Variants in PPP2R5A observed in about 807,000 individuals in gnomAD.
The protein encoded by PPP2R5A is protein phosphatase 2 regulatory subunit B'alpha.
In PPP2R5A, 25 loss-of-function variants were observed where a neutral mutation model predicts 64.2. The observed-to-expected ratio is 0.39, with a 90% confidence interval of 0.28 to 0.54. The LOEUF (loss-of-function observed/expected upper bound fraction) is 0.54, where lower values mean the gene tolerates loss of function less well. PPP2R5A is among the 20% of genes least tolerant of loss of function. The probability of loss-of-function intolerance (pLI) is 0.67; values close to 1 mark genes in which losing one functional copy is unlikely to be tolerated. For synonymous variants in PPP2R5A, 198 were observed against 201.2 expected (o/e 0.98, Z 0.13); for missense variants, 425 against 576.3 (o/e 0.74, Z 2.69).
At chr1:212,352,335 G>GAC (rs10654744) in intron 8 of PPP2R5A, among the ~76,000 whole-genome samples, 11,346 of 151,884 alleles carry the variant, frequency 0.075, 1,353 homozygotes, top group African/African-American at 0.26. Context: ...GGCCCACATT[G>GAC]ACATCTTTTT....
intron 8 of PPP2R5A, 82 bp from the exon 9 acceptor site, chr1:212,356,544 G>A: frequency 3.1e-6 from 4 of 1,277,220 alleles, no homozygotes; most frequent in Non-Finnish European, 4.4e-6. Context: ...AATGAGTGTT[G>A]ATATAATCAC....
chr1:212,300,888 ATAT>A (rs1207972296), intron 1 of PPP2R5A, among the ~76,000 whole-genome samples: 1 of 151,934 alleles, frequency 6.6e-6, no homozygotes, highest in African/African-American at 2.4e-5. Context: ...AATATATATA[ATAT>A]TTTATATAAT....
At chr1:212,346,058 G>C in intron 5 of PPP2R5A, 125 bp downstream of exon 5, 1 of 956,310 alleles carries the variant, frequency 1.0e-6, no homozygotes, top group Non-Finnish European at 1.5e-6. Context: ...CTGGAGTGCA[G>C]TGGTGAGAAC....
chr1:212,327,509 C>T (rs1425343345), intron 1 of PPP2R5A, among the ~76,000 whole-genome samples: 1 of 150,944 alleles, frequency 6.6e-6, no homozygotes, highest in African/African-American at 2.4e-5. Context: ...CCACCTCCTG[C>T]GTTCCAGTGA....
intron 3 of PPP2R5A, among the ~76,000 whole-genome samples, chr1:212,335,131 T>TA (rs958170650): frequency 2.0e-5 from 3 of 152,074 alleles, no homozygotes; most frequent in African/African-American, 7.2e-5. Context: ...GATTTTTTTT[T>TA]AATTTTGCAA....
chr1:212,339,149 C>T (rs1479634551), intron 3 of PPP2R5A, among the ~76,000 whole-genome samples: 1 of 151,950 alleles, frequency 6.6e-6, no homozygotes, highest in Admixed American at 6.6e-5. Context: ...TTTCTTCTAC[C>T]TCTATTTGGG....
intron 1 of PPP2R5A, among the ~76,000 whole-genome samples, chr1:212,327,075 T>C (rs1008607346): frequency 3.3e-5 from 5 of 152,230 alleles, no homozygotes; most frequent in African/African-American, 1.2e-4. Flanking sequence ...ACTAGCTTCC[T>C]GCCCTGGAGT....
rs1445028285 is a variant in PPP2R5A, at chr1:212,358,788, G to T, written c.1328+1G>T. 1 of 1,606,482 alleles carries T rather than the reference G, an allele frequency of 6.2e-7. No individual in the cohort carries two copies. The highest frequency in any genetic ancestry group is 1.1e-5 in the South Asian group (1 of 90,458). ...GCTCATACAAAGCTGAAAGACAGAG[G>T]TATTTGATATTTTGAATTACAAAAT... is the stretch of plus-strand genomic sequence containing the variant. On this transcript the variant is annotated splice_donor_variant, in intron 12 of 12. Coordinates refer to ENST00000261461, the MANE Select transcript of PPP2R5A (RefSeq NM_006243.4). LOFTEE classifies it high-confidence loss of function.
At position 212,319,809 on chromosome 1, in the gene PPP2R5A, G is replaced by A. The variant is rs573611314; in HGVS notation, c.182-9326G>A. ...CTAATTTTTTTGTATTTTTAGTAGA[G>A]GTGGGGTTTCACCATGTTGGCCAGG... On this transcript the variant is annotated intron_variant, in intron 1 of 12. Coordinates refer to ENST00000261461, the MANE Select transcript of PPP2R5A (RefSeq NM_006243.4). 4.6e-5 allele frequency among the ~76,000 whole-genome samples: 7 copies of A among 151,526 alleles called. No homozygotes were observed. The South Asian group carries it at 1.2e-3, about 27-fold the overall frequency.
intron 4 of PPP2R5A, 97 bp downstream of exon 4, chr1:212,342,377 G>A (rs1411475576): frequency 8.4e-6 from 12 of 1,423,960 alleles, no homozygotes; most frequent in Non-Finnish European, 1.0e-5. Context: ...AACTTTAATG[G>A]TTTAATTTGA....
intron 1 of PPP2R5A, among the ~76,000 whole-genome samples, chr1:212,287,678 T>C (rs1658528045): frequency 6.7e-6 from 1 of 150,250 alleles, no homozygotes. Flanking sequence ...AGCAAAATGG[T>C]AGACTATAAT....
chr1:212,310,583 G>A (rs1426098889), intron 1 of PPP2R5A, among the ~76,000 whole-genome samples: 3 of 152,190 alleles, frequency 2.0e-5, no homozygotes, highest in Admixed American at 6.5e-5. Flanking sequence ...CTGAAACCCT[G>A]CTTTAGAAGC....
intron 1 of PPP2R5A, among the ~76,000 whole-genome samples, chr1:212,288,441 A>G (rs571024518): frequency 7.9e-5 from 12 of 152,346 alleles, no homozygotes; most frequent in African/African-American, 2.9e-4. Context: ...AAGAAAGTAA[A>G]TTGGAACTTT....
intron 3 of PPP2R5A, among the ~76,000 whole-genome samples, chr1:212,335,610 G>A (rs1230928536): frequency 6.6e-6 from 1 of 152,064 alleles, no homozygotes; most frequent in Non-Finnish European, 1.5e-5. Flanking sequence ...AAATAAAATG[G>A]AGCGGTGTCC....
intron 1 of PPP2R5A, among the ~76,000 whole-genome samples, chr1:212,319,845 A>T (rs1202815507): frequency 6.6e-6 from 1 of 150,834 alleles, no homozygotes; most frequent in Non-Finnish European, 1.5e-5. Context: ...CTGGTCTCAA[A>T]TTCCTGACCT....
chr1:212,342,153 C>A, intron 3 of PPP2R5A, 35 bp from the exon 4 acceptor site: 1 of 1,605,510 alleles, frequency 6.2e-7, no homozygotes, highest in Non-Finnish European at 8.5e-7. Flanking sequence ...ATTCTGTAGC[C>A]ATCATCTTAG....
At chr1:212,286,936 C>G (rs1023518680) in intron 1 of PPP2R5A, among the ~76,000 whole-genome samples, 5 of 152,198 alleles carry the variant, frequency 3.3e-5, no homozygotes, top group Non-Finnish European at 4.4e-5. Flanking sequence ...TATCCTTTAG[C>G]TCAAGGAATA....
In PPP2R5A at chr1:212,345,924, T is replaced by C. The variant is rs780103900; in HGVS notation, c.695T>C (p.Ile232Thr). Residue 232 changes from isoleucine (I) to threonine (T), a missense_variant, in exon 5 of 13, where the codon ATT (isoleucine) becomes ACT (threonine). Physicochemically the swap from Ile to Thr is moderately conservative, Grantham distance 89. Coordinates refer to ENST00000261461, the MANE Select transcript of PPP2R5A (RefSeq NM_006243.4). ...TTCATCAGAAAACAAATTAACAACA[T>C]TTTCCTCAGGTAAATTAATCATTTA... The part of the protein sequence containing the change: ...RAFIRKQINN[I>T]FLRFIYETEH... The C allele has an allele frequency of 2.5e-6, 4 of 1,595,978 alleles. No homozygotes were observed. Among genetic ancestry groups the C allele is most frequent in the East Asian group, 2.2e-5 (1 of 44,690 alleles).
At chr1:212,356,220 C>T (rs1259613170) in intron 8 of PPP2R5A, among the ~76,000 whole-genome samples, 2 of 151,884 alleles carry the variant, frequency 1.3e-5, no homozygotes, top group African/African-American at 4.8e-5. Flanking sequence ...CTTAAGGTTT[C>T]TCCCTAAAAT....
Sources: allele counts gnomAD v4.1 joint callset (sites outside exome capture counted in the v4.1 genomes callset), GRCh38; gene constraint gnomAD v4.1.1; transcripts MANE v1.5; gene names NCBI Gene and HGNC (gene_info 2026-07-23, HGNC 2026-07-21).